Variants in CHRM3 observed in about 807,000 individuals in gnomAD.
CHRM3 encodes the protein muscarinic acetylcholine receptor M3.
In CHRM3, 11 loss-of-function variants were observed where a neutral mutation model predicts 41.8. The ratio of observed to expected loss-of-function variants is 0.26; its 90% confidence interval spans 0.17 to 0.44. The LOEUF (loss-of-function observed/expected upper bound fraction) is 0.44. Ranked by LOEUF, CHRM3 falls within the 20% of genes least tolerant of loss-of-function variation. The pLI is 1.00. For missense variants in CHRM3, 571 were observed against 745.4 expected (o/e 0.77, Z 2.72); for synonymous variants, 297 against 301.4 (o/e 0.99, Z 0.15).
At chr1:239,667,692 C>T (rs1673950415) in intron 4 of CHRM3, among the ~76,000 whole-genome samples, 1 of 152,188 alleles carries the variant, frequency 6.6e-6, no homozygotes, top group Non-Finnish European at 1.5e-5. Context: ...CCTGGTCAAG[C>T]TGTCTAAATA....
At chr1:239,761,198 A>G (rs1271558626) in intron 5 of CHRM3, among the ~76,000 whole-genome samples, 1 of 152,108 alleles carries the variant, frequency 6.6e-6, no homozygotes, top group Non-Finnish European at 1.5e-5. Context: ...ATTTTATTTC[A>G]GACATTGCAT....
rs181045622 is a variant in CHRM3 at position 239,697,220 on chromosome 1, G to A, written c.-147+18932G>A. Among the ~76,000 whole-genome samples the A allele has an allele frequency of 4.5e-3, 689 of 152,218 alleles. 8 individuals are homozygous for A. Among genetic ancestry groups the A allele is most frequent in the African/African-American group, 0.016 (663 of 41,526 alleles). ...ACCTGGTGGGAGGTAATTGAATCAT[G>A]GGGGCAGGTCTTTCCCATGCTGTTC... On this transcript the variant is annotated intron_variant, in intron 5 of 6. Coordinates refer to ENST00000676153, the MANE Select transcript of CHRM3 (RefSeq NM_001375978.1).
rs370188799 is a variant in CHRM3 at position 239,521,931 on chromosome 1, A to G, written c.-421-23710A>G. ...GTATATGCAAATTCTATGACATTTC[A>G]TATAAGGGACATGAGCATCCAAGGA... is the stretch of plus-strand genomic sequence containing the variant. On this transcript the variant is annotated intron_variant, in intron 2 of 6. Coordinates refer to ENST00000676153, the MANE Select transcript of CHRM3 (RefSeq NM_001375978.1). Among the ~76,000 whole-genome samples the G allele has an allele frequency of 3.9e-5, 6 of 152,216 alleles. No homozygotes were observed. In the East Asian group the frequency reaches 7.7e-4, roughly 20 times the overall value.
At chr1:239,456,618 C>G (rs140441531) in intron 1 of CHRM3, among the ~76,000 whole-genome samples, 1 of 152,170 alleles carries the variant, frequency 6.6e-6, no homozygotes. Flanking sequence ...GTGTTTCTTA[C>G]AATGTCACGG....
intron 1 of CHRM3, among the ~76,000 whole-genome samples, chr1:239,487,007 C>A (rs1211672236): frequency 6.6e-6 from 1 of 152,108 alleles, no homozygotes; most frequent in Non-Finnish European, 1.5e-5. Flanking sequence ...ATTCCAATTT[C>A]TAGATAGAAC....
chr1:239,535,870 C>G (rs1211185387), intron 2 of CHRM3, among the ~76,000 whole-genome samples: 1 of 152,056 alleles, frequency 6.6e-6, no homozygotes. Flanking sequence ...CCTGAGCTGT[C>G]GGGTACAGGG....
rs568765626 is a variant in CHRM3 at position 239,428,876 on chromosome 1, G to A, written c.-521+41649G>A. Among the ~76,000 whole-genome samples the A allele has an allele frequency of 3.2e-4, 49 of 152,226 alleles. 1 individual carries two copies. The Middle Eastern group carries it at 0.01, about 32-fold the overall frequency. On this transcript the variant is annotated intron_variant, in intron 1 of 6. Coordinates refer to ENST00000676153, the MANE Select transcript of CHRM3 (RefSeq NM_001375978.1). ...TTTCCTTGTCAGCTTTTTAGCATAA[G>A]CGTTCTCCATATTACTTTCTAATCA...
chr1:239,445,381 A>C (rs1572330352), intron 1 of CHRM3, among the ~76,000 whole-genome samples: 2 of 152,188 alleles, frequency 1.3e-5, no homozygotes, highest in African/African-American at 4.8e-5. Flanking sequence ...GCCGTGTGGC[A>C]GAGAAGTTTC....
intron 5 of CHRM3, among the ~76,000 whole-genome samples, chr1:239,726,546 A>C (rs1663455258): frequency 6.6e-6 from 1 of 151,940 alleles, no homozygotes; most frequent in African/African-American, 2.4e-5. Flanking sequence ...GTTATCAGGT[A>C]GTTGTATCAG....
chr1:239,742,337 G>A (rs913672285), intron 5 of CHRM3, among the ~76,000 whole-genome samples: 1 of 152,118 alleles, frequency 6.6e-6, no homozygotes, highest in Non-Finnish European at 1.5e-5. Flanking sequence ...TAGGTCTTCT[G>A]CTGGTCTGGC....
chr1:239,819,724 C>T (rs961180428), intron 5 of CHRM3, among the ~76,000 whole-genome samples: 8 of 152,104 alleles, frequency 5.3e-5, no homozygotes, highest in African/African-American at 1.9e-4. Flanking sequence ...ATATGCAGAC[C>T]TGCTAAATCA....
chr1:239,549,591 G>A (rs1035091307), intron 3 of CHRM3, among the ~76,000 whole-genome samples: 7 of 151,052 alleles, frequency 4.6e-5, no homozygotes, highest in Non-Finnish European at 8.8e-5. Flanking sequence ...AGCCTGTGGG[G>A]TGGAGGTTGC....
intron 4 of CHRM3, among the ~76,000 whole-genome samples, chr1:239,662,209 T>C (rs1673272028): frequency 6.6e-6 from 1 of 150,742 alleles, no homozygotes; most frequent in Non-Finnish European, 1.5e-5. Context: ...TTGTTGCAAA[T>C]ACACTTCTTA....
At chr1:239,530,759 CTTGAAGA>C (rs935373097) in intron 2 of CHRM3, among the ~76,000 whole-genome samples, 1 of 151,992 alleles carries the variant, frequency 6.6e-6, no homozygotes, top group Admixed American at 6.5e-5. Context: ...ACCCAGTGAC[CTTGAAGA>C]TTGATGAATA....
At chr1:239,492,398 G>A (rs1182565836) in intron 1 of CHRM3, among the ~76,000 whole-genome samples, 3 of 152,068 alleles carry the variant, frequency 2.0e-5, no homozygotes, top group East Asian at 1.9e-4. Flanking sequence ...TTCATTGCTC[G>A]CAGAGAGCCT....
intron 2 of CHRM3, among the ~76,000 whole-genome samples, chr1:239,524,169 AAT>A (rs140863188): frequency 3.1e-4 from 46 of 149,898 alleles, no homozygotes; most frequent in African/African-American, 4.6e-4. Context: ...AGATTCAAAG[AAT>A]ATATATATAT....
chr1:239,606,533 C>G (rs1666311549), intron 3 of CHRM3, among the ~76,000 whole-genome samples: 2 of 152,198 alleles, frequency 1.3e-5, no homozygotes, highest in African/African-American at 4.8e-5. Context: ...CTTGGCCTCC[C>G]AAAGTGCTGG....
intron 5 of CHRM3, among the ~76,000 whole-genome samples, chr1:239,821,745 C>G (rs1211215959): frequency 2.0e-5 from 3 of 152,168 alleles, no homozygotes; most frequent in Non-Finnish European, 4.4e-5. Flanking sequence ...GTACTTGGAA[C>G]ACTTGGAAAC....
At chr1:239,859,428 T>TTTG (rs1558185646) in intron 6 of CHRM3, among the ~76,000 whole-genome samples, 2 of 147,682 alleles carry the variant, frequency 1.4e-5, no homozygotes, top group African/African-American at 2.5e-5. Flanking sequence ...TGTTTTTTTT[T>TTTG]TTTGTTTTTT....
Sources: gnomAD v4.1 joint callset for allele counts (sites outside exome capture counted in the v4.1 genomes callset) on GRCh38, gnomAD v4.1.1 for gene constraint, MANE v1.5 for transcripts, NCBI Gene and HGNC (gene_info 2026-07-23, HGNC 2026-07-21) for gene names.